The following UTP6 variants were observed in gnomAD, a reference collection of about 807,000 sequenced individuals.
UTP6 encodes U3 small nucleolar RNA-associated protein 6 homolog.
In UTP6, 60 loss-of-function variants were observed where a neutral mutation model predicts 96.5. That is an observed-to-expected ratio of 0.62 (90% CI 0.51 to 0.77). The LOEUF (loss-of-function observed/expected upper bound fraction) is 0.77, where lower values mean the gene tolerates loss of function less well. Ranked by LOEUF, UTP6 falls within the 30% of genes least tolerant of loss-of-function variation. The pLI, the probability that UTP6 is intolerant of heterozygous loss-of-function variation, is 0.00. For synonymous variants in UTP6, 215 were observed against 240.1 expected (o/e 0.90, Z 0.96); for missense variants, 637 against 706.5 (o/e 0.90, Z 1.12).
intron 1 of UTP6, chr17:31,901,229 T>C (rs1904963032): frequency 2.8e-6 from 1 of 361,574 alleles, no homozygotes; most frequent in Non-Finnish European, 5.3e-6. Context: ...TTAATTTGTC[T>C]GTCTCCCCCA....
At chr17:31,871,094 A>C (rs567408973) in intron 16 of UTP6, among the ~76,000 whole-genome samples, 7 of 148,604 alleles carry the variant, frequency 4.7e-5, no homozygotes, top group African/African-American at 1.7e-4. Context: ...GGTTCACGCC[A>C]TGCTCCTGCC....
chr17:31,888,317 T>TA (rs1911269719), intron 7 of UTP6: 1 of 152,210 alleles, frequency 6.6e-6, no homozygotes, highest in South Asian at 2.1e-4. Context: ...AAAAAAATGT[T>TA]AGAGTCTAGT....
At chr17:31,889,495 A>ATTT (rs375193627) in intron 6 of UTP6, 92 bp from the exon 7 acceptor site, 463 of 536,136 alleles carry the variant, frequency 8.6e-4, no homozygotes, top group Non-Finnish European at 9.8e-4. Flanking sequence ...TACTCGCACA[A>ATTT]TTTTTTTTTT....
intron 12 of UTP6, among the ~76,000 whole-genome samples, 173 bp downstream of exon 12, chr17:31,878,529 G>A (rs567680923): frequency 6.6e-6 from 1 of 152,268 alleles, no homozygotes; most frequent in East Asian, 1.9e-4. Flanking sequence ...CTCCTAACCT[G>A]GCGGCAAACC....
chr17:31,898,843 C>A (rs906547101), intron 2 of UTP6, among the ~76,000 whole-genome samples: 3 of 152,154 alleles, frequency 2.0e-5, no homozygotes, highest in African/African-American at 7.2e-5. Context: ...GAGTTCGAGA[C>A]CAGCCTAGCC....
At chr17:31,866,180 A>G (rs536500494) in intron 17 of UTP6, among the ~76,000 whole-genome samples, 404 of 150,920 alleles carry the variant, frequency 2.7e-3, no homozygotes, top group African/African-American at 7.0e-3. Context: ...CCAGCTACTC[A>G]GGAGGCTGAG....
At chr17:31,875,834 A>AAAAAG (rs1910469578) in intron 13 of UTP6, among the ~76,000 whole-genome samples, 1 of 151,764 alleles carries the variant, frequency 6.6e-6, no homozygotes. Flanking sequence ...AAAAAAAAAA[A>AAAAAG]AAAAGAAAAG....
At chr17:31,874,576 T>C (rs554095033) in intron 14 of UTP6, among the ~76,000 whole-genome samples, 27 of 151,222 alleles carry the variant, frequency 1.8e-4, no homozygotes, top group African/African-American at 5.6e-4. Context: ...AAATGAGCAG[T>C]AGTTTTTTTC....
intron 6 of UTP6, among the ~76,000 whole-genome samples, chr17:31,890,349 C>T (rs1009785711): frequency 2.6e-5 from 4 of 151,854 alleles, no homozygotes; most frequent in African/African-American, 9.7e-5. Context: ...GGCACAGTGG[C>T]TCACACCTGT....
rs369288299 is a variant in UTP6, at chr17:31,873,650, G to A, written c.1386+23C>T. On this transcript the variant is annotated intron_variant, in intron 15 of 18. Transcript: ENST00000261708. ...CCTTCTGCCATTCCCCACACCACAA[G>A]ACTTGGAACACGGAGCCTATACCTT... The A allele has an allele frequency of 1.9e-5, 31 of 1,613,744 alleles. No individual in the cohort carries two copies. In the Middle Eastern group the frequency reaches 4.9e-4, roughly 26 times the overall value.
chr17:31,899,063 C>T (rs916436478), intron 2 of UTP6, among the ~76,000 whole-genome samples: 1 of 151,982 alleles, frequency 6.6e-6, no homozygotes, highest in African/African-American at 2.4e-5. Context: ...TAAGGCTGGG[C>T]CCGGTGGCTC....
intron 2 of UTP6, among the ~76,000 whole-genome samples, chr17:31,899,292 C>T (rs1165122721): frequency 6.6e-6 from 1 of 151,906 alleles, no homozygotes; most frequent in African/African-American, 2.4e-5. Flanking sequence ...CGAGCCCCTG[C>T]CTCAAAAAAA....
Position 31,889,394 on chromosome 17 carries a change from A to G in UTP6, c.434T>C (p.Ile145Thr), listed in dbSNP as rs1458086705. The G allele has an allele frequency of 5.6e-6, 9 of 1,612,994 alleles. No homozygotes were observed. The Middle Eastern group carries it at 1.5e-3, about 267-fold the overall frequency. The change falls in exon 7 of 19, where the codon ATT becomes ACT. Residue 145 changes from isoleucine to threonine, a missense_variant. Ile to Thr is a moderately conservative substitution (Grantham distance 89). Coordinates refer to ENST00000261708, the MANE Select transcript of UTP6 (RefSeq NM_018428.3). ...TTCCATTTCCCATTTGGCTGCCATAATCCACAAAGCTGTAAGTGAAAAACC... is the reference window on the plus strand; with the variant it reads ...TTCCATTTCCCATTTGGCTGCCATAGTCCACAAAGCTGTAAGTGAAAAACC... Reference protein sequence around the residue: ...AIHSNKPALWIMAAKWEMEDR... With the variant: ...AIHSNKPALWTMAAKWEMEDR...
chr17:31,890,534 C>A (rs1220880175), intron 6 of UTP6, among the ~76,000 whole-genome samples: 1 of 151,668 alleles, frequency 6.6e-6, no homozygotes, highest in Non-Finnish European at 1.5e-5. Context: ...AGAAGGATCA[C>A]TTTAACCTGG....
intron 10 of UTP6, among the ~76,000 whole-genome samples, chr17:31,883,563 T>C (rs1008774730): frequency 5.9e-5 from 9 of 151,956 alleles, no homozygotes; most frequent in Non-Finnish European, 1.3e-4. Flanking sequence ...GATCCATGCA[T>C]CTCGGCCTCC....
intron 5 of UTP6, 132 bp from the exon 6 acceptor site, chr17:31,892,455 A>G: frequency 1.0e-6 from 1 of 952,888 alleles, no homozygotes; most frequent in Non-Finnish European, 1.6e-6. Flanking sequence ...AGGGATATAT[A>G]AACGAACACA....
Position 31,875,333 on chromosome 17 carries a change from A to G in UTP6, c.1206T>C (p.Ser402=), listed in dbSNP as rs759643237. 1 of 1,614,216 alleles carries G rather than the reference A, an allele frequency of 6.2e-7. No homozygotes were observed. Among genetic ancestry groups the G allele is most frequent in the Non-Finnish European group, 8.5e-7 (1 of 1,180,036 alleles). Residue 402 remains serine, a synonymous_variant, in exon 14 of 19, where the codon TCT becomes TCC. Transcript: ENST00000261708. ...GCAGCTTCAGCTGCCACATTGTCCC[A>G]GAGTCTCTAAACAATTCAGTTCCAG... ...AVAGTELFRD[S]GTMWQLKLQV... is the part of the protein sequence containing the mutation.
rs1910649480 is a variant in UTP6, at chr17:31,878,791, T to A, written c.968-10A>T. ...CACTTCCACATGGCCTCTGGAAAAG[T>A]CAGAAAGATTGTGTTGATCAGATCA... On this transcript the variant is annotated splice_polypyrimidine_tract_variant and intron_variant, in intron 11 of 18. Coordinates refer to ENST00000261708, the MANE Select transcript of UTP6 (RefSeq NM_018428.3). 3.1e-6 allele frequency: 5 copies of A among 1,613,426 alleles called. No individual in the cohort carries two copies. The East Asian group carries it at 1.1e-4, about 36-fold the overall frequency.
chr17:31,893,665 G>A (rs1410082379), intron 4 of UTP6, among the ~76,000 whole-genome samples: 1 of 150,222 alleles, frequency 6.7e-6, no homozygotes, highest in Non-Finnish European at 1.5e-5. Flanking sequence ...GGGAGGCAGA[G>A]GTTGCAGTGA....
Sources: gnomAD v4.1 joint callset for allele counts (sites outside exome capture counted in the v4.1 genomes callset) on GRCh38, gnomAD v4.1.1 for gene constraint, MANE v1.5 for transcripts, NCBI Gene and HGNC (gene_info 2026-07-23, HGNC 2026-07-21) for gene names.